KCNQ1: variants seen among roughly 807,000 people sequenced by gnomAD.
KCNQ1 encodes potassium voltage-gated channel subfamily Q member 1, also known as potassium voltage-gated channel subfamily KQT member 1.
Under a neutral mutation model 72.4 loss-of-function variants are expected in KCNQ1, and 49 were observed. The ratio of observed to expected loss-of-function variants is 0.68; its 90% CI spans 0.54 to 0.86. The LOEUF (loss-of-function observed/expected upper bound fraction) is 0.86. Ranked by LOEUF, KCNQ1 falls within the 40% of genes least tolerant of loss-of-function variation. The pLI, the probability that KCNQ1 is intolerant of heterozygous loss-of-function variation, is 0.00. For synonymous variants in KCNQ1, 450 were observed against 412.6 expected (o/e 1.09, Z -1.10); for missense variants, 790 against 945.1 (o/e 0.84, Z 2.15).
At chr11:2,609,465 CAT>C (rs567551421) in intron 10 of KCNQ1, 57 of 398,398 alleles carry the variant, frequency 1.4e-4, no homozygotes, top group South Asian at 8.9e-4. Flanking sequence ...GAGAATGTCT[CAT>C]GTGCACTTGA....
chr11:2,648,981 C>CGTTTTTTGTTTTTTTTTTTTTTT (rs1849710791), intron 10 of KCNQ1: 1 of 213,306 alleles, frequency 4.7e-6, no homozygotes, highest in Admixed American at 9.7e-5. Context: ...TTTTCTTTTT[C>CGTTTTTTGTTTTTTTTTTTTTTT]TTTTTTTTTT....
In KCNQ1 at chr11:2,653,769, A is replaced by G. The variant is rs1849793892; in HGVS notation, c.1394-8192A>G. 3 of 398,658 alleles carry G rather than the reference A, an allele frequency of 7.5e-6. No homozygotes were observed. The highest frequency in any genetic ancestry group is 1.3e-5 in the Non-Finnish European group (3 of 226,094). The allele number at this position is 398,658 out of a possible 1,614,324, so 24.7% of individuals were successfully genotyped here. A position where few individuals can be genotyped will look rare whatever the true frequency, so the allele number is the denominator to read the frequency against. On this transcript the variant is annotated intron_variant, in intron 10 of 15. Coordinates refer to ENST00000155840, the MANE Select transcript of KCNQ1 (RefSeq NM_000218.3). The surrounding 1 kb of genome is among the most constrained non-coding windows in gnomAD (Gnocchi z 5.3). ...TCTTATTGGCCTCAGCTGGGGTACA[A>G]GCCATCCTTGGACCTGCAGCTGTAC... is the stretch of plus-strand genomic sequence containing the variant.
intron 11 of KCNQ1, chr11:2,684,569 C>T: frequency 2.5e-6 from 1 of 398,676 alleles, no homozygotes; most frequent in Non-Finnish European, 4.4e-6. Flanking sequence ...CCATAAATGA[C>T]TTTCTGGCAG....
intron 11 of KCNQ1, among the ~76,000 whole-genome samples, chr11:2,763,412 A>AT (rs1554918711): frequency 1.3e-5 from 2 of 150,884 alleles, no homozygotes; most frequent in Non-Finnish European, 1.5e-5. Context: ...GAAAAAAAAA[A>AT]AAATAAGAAA....
At chr11:2,738,784 A>G (rs1369944999) in intron 11 of KCNQ1, among the ~76,000 whole-genome samples, 2 of 152,018 alleles carry the variant, frequency 1.3e-5, no homozygotes. Flanking sequence ...CCCTGGGGGG[A>G]TTGTCCTTCT....
At chr11:2,804,160 C>T (rs1027071152) in intron 15 of KCNQ1, among the ~76,000 whole-genome samples, 1 of 152,166 alleles carries the variant, frequency 6.6e-6, no homozygotes, top group Admixed American at 6.5e-5. Context: ...CAGCAATATT[C>T]ACAGGGCCAG....
chr11:2,773,597 G>A (rs1328307382), intron 12 of KCNQ1, among the ~76,000 whole-genome samples: 1 of 149,982 alleles, frequency 6.7e-6, no homozygotes. Flanking sequence ...TCTTCCAAAA[G>A]GGGGGATCAG....
In KCNQ1 at chr11:2,683,729, T is replaced by C; in HGVS notation, c.1514+21648T>C. The stretch of plus-strand genomic sequence containing the variant: ...CCTTTCCTTACTCCCTCTGGTTACC[T>C]AGCTTTAGCTCTGAGGCAGCCCAGA... On this transcript the variant is annotated intron_variant, in intron 11 of 15. Coordinates refer to ENST00000155840, the MANE Select transcript of KCNQ1 (RefSeq NM_000218.3). This position sits in a 1 kb window ranked among gnomAD's most constrained non-coding sequence, Gnocchi z 4.7. The C allele has an allele frequency of 2.5e-6, 1 of 398,626 alleles. No homozygotes were observed. Among genetic ancestry groups the C allele is most frequent in the Non-Finnish European group, 4.4e-6 (1 of 226,066 alleles). 24.7% of individuals were successfully genotyped at this position (398,626 alleles called of 1,614,324 possible). A position where few individuals can be genotyped will look rare whatever the true frequency, so the allele number is the denominator to read the frequency against.
intron 1 of KCNQ1, among the ~76,000 whole-genome samples, chr11:2,448,101 G>A (rs1158646803): frequency 6.6e-6 from 1 of 152,238 alleles, no homozygotes; most frequent in Non-Finnish European, 1.5e-5. Context: ...GGGGATGGGG[G>A]TCCATACAGC....
In KCNQ1 at chr11:2,734,682, C is replaced by T. The variant is rs1015735690; in HGVS notation, c.1515-34162C>T. ...CTTCCTGAAGAGATGAGTCAGGTCC[C>T]AGGCACATTCAGTGCCAGCCAGGGA... On this transcript the variant is annotated intron_variant, in intron 11 of 15. Transcript: ENST00000155840. The surrounding 1 kb of genome is among the most constrained non-coding windows in gnomAD (Gnocchi z 7.0). 6.6e-6 allele frequency among the ~76,000 whole-genome samples: 1 copy of T among 151,924 alleles called. No individual in the cohort carries two copies. The highest frequency in any genetic ancestry group is 6.5e-5 in the Admixed American group (1 of 15,272).
intron 6 of KCNQ1, among the ~76,000 whole-genome samples, chr11:2,573,754 C>T (rs529823536): frequency 2.0e-4 from 30 of 152,258 alleles, no homozygotes; most frequent in South Asian, 6.2e-4. Flanking sequence ...AGAGGCTGTG[C>T]GGGAGGGGTG....
chr11:2,609,421 G>T (rs571299777), intron 10 of KCNQ1: 18 of 398,178 alleles, frequency 4.5e-5, no homozygotes, highest in Non-Finnish European at 6.6e-5. Flanking sequence ...ATTTATGCAG[G>T]TTTGTTTCGT....
chr11:2,565,880 T>G lies in KCNQ1; in HGVS notation c.478-4748T>G, dbSNP rs1848239878. 6.6e-6 allele frequency among the ~76,000 whole-genome samples: 1 copy of G among 152,166 alleles called. No individual in the cohort carries two copies. Among genetic ancestry groups the G allele is most frequent in the African/African-American group, 2.4e-5 (1 of 41,436 alleles). On this transcript the variant is annotated intron_variant, in intron 2 of 15. Coordinates refer to ENST00000155840, the MANE Select transcript of KCNQ1 (RefSeq NM_000218.3). The surrounding 1 kb of genome is among the most constrained non-coding windows in gnomAD (Gnocchi z 5.6). ...TCTTTGTCCCAGGCCCTTCACTGGG[T>G]CTGGAGGAAGGAGGGTGCTGTGGTC...
At chr11:2,525,900 C>T (rs918662364) in intron 1 of KCNQ1, among the ~76,000 whole-genome samples, 5 of 152,178 alleles carry the variant, frequency 3.3e-5, no homozygotes, top group Admixed American at 2.0e-4. Flanking sequence ...GCCCACAGCC[C>T]CACTCTTGGG....
intron 15 of KCNQ1, among the ~76,000 whole-genome samples, chr11:2,796,683 A>T (rs1360255688): frequency 1.3e-5 from 2 of 152,180 alleles, no homozygotes; most frequent in Non-Finnish European, 2.9e-5. Flanking sequence ...GGGCCCACTG[A>T]GGTGCAGGCG....
Position 2,690,611 on chromosome 11 carries a change from G to A in KCNQ1, c.1514+28530G>A, listed in dbSNP as rs1850572511. ...CTGGCAGGGAGTGGGGCACACATATGTGCATGTTCATATATGTGTCAGAAT... is the reference window on the plus strand; with the variant it reads ...CTGGCAGGGAGTGGGGCACACATATATGCATGTTCATATATGTGTCAGAAT... On this transcript the variant is annotated intron_variant, in intron 11 of 15. Coordinates refer to ENST00000155840, the MANE Select transcript of KCNQ1 (RefSeq NM_000218.3). This position sits in a 1 kb window ranked among gnomAD's most constrained non-coding sequence, Gnocchi z 5.1. 5.0e-6 allele frequency: 2 copies of A among 398,684 alleles called. No individual in the cohort carries two copies. Among genetic ancestry groups the A allele is most frequent in the Non-Finnish European group, 8.8e-6 (2 of 226,092 alleles). The allele number at this position is 398,684 out of a possible 1,614,324, so 24.7% of individuals were successfully genotyped here. A position where few individuals can be genotyped will look rare whatever the true frequency, so the allele number is the denominator to read the frequency against.
chr11:2,666,999 CA>C (rs1248055956), intron 11 of KCNQ1: 2 of 398,604 alleles, frequency 5.0e-6, no homozygotes, highest in African/African-American at 4.1e-5. Context: ...TACAGGGCTG[CA>C]TGAGTCATAG....
rs1847948987 is a variant in KCNQ1, at chr11:2,549,587, C to T, written c.478-21041C>T. Among the ~76,000 whole-genome samples, 3 of 150,338 alleles carry T rather than the reference C, an allele frequency of 2.0e-5. No individual in the cohort carries two copies. Among genetic ancestry groups the T allele is most frequent in the African/African-American group, 7.5e-5 (3 of 40,150 alleles). On this transcript the variant is annotated intron_variant, in intron 2 of 15. Transcript: ENST00000155840. This position sits in a 1 kb window ranked among gnomAD's most constrained non-coding sequence, Gnocchi z 6.2. ...GGAGCCTCGTGACCTGCTCATAGCA[C>T]AGCTGGGACACTTCCAGTGACTGCT... is the stretch of plus-strand genomic sequence containing the variant.
Position 2,620,059 on chromosome 11 carries a change from T to C in KCNQ1, c.1393+31205T>C, listed in dbSNP as rs1215275384. 2.0e-5 allele frequency: 8 copies of C among 398,284 alleles called. No individual in the cohort carries two copies. The highest frequency in any genetic ancestry group is 3.5e-5 in the Non-Finnish European group (8 of 226,050). The allele number at this position is 398,284 out of a possible 1,614,324, so 24.7% of individuals were successfully genotyped here. A position where few individuals can be genotyped will look rare whatever the true frequency, so the allele number is the denominator to read the frequency against. On this transcript the variant is annotated intron_variant, in intron 10 of 15. Transcript: ENST00000155840. This position sits in a 1 kb window ranked among gnomAD's most constrained non-coding sequence, Gnocchi z 4.5. The stretch of plus-strand genomic sequence containing the variant: ...CCCCAGTGTCTACTGATCATCTTTA[T>C]GTCCATGTTTACTCAGTGTTTAGGT...
Sources: gnomAD v4.1 joint callset for allele counts (sites outside exome capture counted in the v4.1 genomes callset) on GRCh38, gnomAD v4.1.1 for gene constraint, Gnocchi (gnomAD v3.1) non-coding constraint, MANE v1.5 for transcripts, NCBI Gene and HGNC (gene_info 2026-07-23, HGNC 2026-07-21) for gene names.